The following CCDC144A variants were observed in gnomAD, a reference collection of about 807,000 sequenced individuals.
CCDC144A encodes the protein coiled-coil domain containing 144A.
In CCDC144A, 41 loss-of-function variants were observed where a neutral mutation model predicts 143.8. That is an observed-to-expected ratio of 0.29 (90% CI 0.22 to 0.37). The LOEUF (loss-of-function observed/expected upper bound fraction) is 0.37. Ranked by LOEUF, CCDC144A falls within the 10% of genes least tolerant of loss-of-function variation. The probability of loss-of-function intolerance (pLI) is 1.00; values close to 1 mark genes in which losing one functional copy is unlikely to be tolerated. For synonymous variants in CCDC144A, 242 were observed against 517.9 expected (o/e 0.47, Z 7.23); for missense variants, 637 against 1,488.8 (o/e 0.43, Z 9.41).
chr17:16,667,338 C>T, the CCDC144A span, among the ~76,000 whole-genome samples: 1 of 121,816 alleles, frequency 8.2e-6, no homozygotes, highest in East Asian at 2.7e-4. Flanking sequence ...GAGGCTGAGG[C>T]GGCTGAGGAG....
At chr17:16,746,087 G>T (rs1451699128) in intron 12 of CCDC144A, 3 of 1,604,700 alleles carry the variant, frequency 1.9e-6, no homozygotes, top group African/African-American at 1.3e-5. Flanking sequence ...AGCCTTCCAC[G>T]GGCCTGGCTT....
At chr17:16,717,336 T>C (rs1202814996) in intron 6 of CCDC144A, among the ~76,000 whole-genome samples, 1 of 151,806 alleles carries the variant, frequency 6.6e-6, no homozygotes, top group African/African-American at 2.4e-5. Flanking sequence ...GGTCTCGATC[T>C]ATTGACCTCA....
intron 12 of CCDC144A, among the ~76,000 whole-genome samples, chr17:16,758,383 G>C (rs527328983): frequency 2.4e-4 from 36 of 152,318 alleles, no homozygotes; most frequent in Middle Eastern, 3.4e-3. Flanking sequence ...TATCACAGAC[G>C]GTAGGGATGC....
Position 16,690,717 on chromosome 17 carries a change from G to T in CCDC144A, c.317G>T (p.Gly106Val), listed in dbSNP as rs1263466796. 1 of 1,611,550 alleles carries T rather than the reference G, an allele frequency of 6.2e-7. No homozygotes were observed. Among genetic ancestry groups the T allele is most frequent in the Non-Finnish European group, 8.5e-7 (1 of 1,178,020 alleles). ...CACATCTTAGCTCCTGGAGACACTG[G>T]CGTGGACAAGAGGGATAGGAAGAAG... ...VEHILAPGDT[G>V]VDKRDRKKSI... Residue 106 changes from glycine (G) to valine (V), a missense_variant, in exon 1 of 17, where the codon GGC becomes GTC. Physicochemically the swap from Gly to Val is moderately radical, Grantham distance 109. Transcript: ENST00000399273.
At chr17:16,679,467 T>G in the CCDC144A span, among the ~76,000 whole-genome samples, 1 of 152,092 alleles carries the variant, frequency 6.6e-6, no homozygotes, top group Non-Finnish European at 1.5e-5. Context: ...TTAGTAATTT[T>G]TTTTTTTTCC....
intron 12 of CCDC144A, among the ~76,000 whole-genome samples, chr17:16,756,857 C>T (rs1312472940): frequency 2.0e-5 from 3 of 152,110 alleles, no homozygotes; most frequent in Admixed American, 6.5e-5. Context: ...TTGGTGTGGC[C>T]TCCATATACT....
chr17:16,741,646 T>C (rs1478068926), intron 12 of CCDC144A, among the ~76,000 whole-genome samples: 3 of 152,184 alleles, frequency 2.0e-5, no homozygotes, highest in East Asian at 1.9e-4. Flanking sequence ...TGGTGTCTTA[T>C]TATGTTACCC....
chr17:16,689,445 C>T (rs1270256691), upstream of CCDC144A: 3 of 152,422 alleles, frequency 2.0e-5, no homozygotes, highest in African/African-American at 7.2e-5. Flanking sequence ...CTGCCCGCCT[C>T]AACCTCCCAA....
chr17:16,733,597 A>C (rs1913854066), intron 11 of CCDC144A, among the ~76,000 whole-genome samples: 1 of 150,858 alleles, frequency 6.6e-6, no homozygotes, highest in Admixed American at 6.6e-5. Context: ...AGGAAACTTA[A>C]GTTATTGTAA....
At chr17:16,692,383 C>T (rs1911140722) in intron 1 of CCDC144A, among the ~76,000 whole-genome samples, 1 of 146,212 alleles carries the variant, frequency 6.8e-6, no homozygotes, top group Admixed American at 7.0e-5. Flanking sequence ...AAACTATGAA[C>T]TAGCTGTGAT....
chr17:16,687,892 AT>A (rs953258940), upstream of CCDC144A, among the ~76,000 whole-genome samples: 13 of 149,202 alleles, frequency 8.7e-5, no homozygotes, highest in Non-Finnish European at 1.2e-4. Context: ...TAGCACACTA[AT>A]TTTTTTTTTA....
At chr17:16,690,107 T>G (rs1006454524), upstream of CCDC144A, 9 of 249,790 alleles carry the variant, frequency 3.6e-5, no homozygotes, top group Non-Finnish European at 6.7e-5. Context: ...AGGCTGGAGC[T>G]GCAGCGCCAC....
intron 2 of CCDC144A, among the ~76,000 whole-genome samples, chr17:16,700,297 T>G (rs1430538864): frequency 3.9e-5 from 6 of 152,204 alleles, no homozygotes; most frequent in Admixed American, 3.9e-4. Flanking sequence ...TGCAATGTTG[T>G]CTACCTTACC....
At chr17:16,682,883 G>GTTTTT in the CCDC144A span, among the ~76,000 whole-genome samples, 30 of 46,450 alleles carry the variant, frequency 6.5e-4, 10 homozygotes, top group Non-Finnish European at 1.1e-3. Context: ...TGGATTCTCT[G>GTTTTT]TTTTTTTTTT....
the CCDC144A span, among the ~76,000 whole-genome samples, chr17:16,670,756 A>C: frequency 6.6e-6 from 1 of 151,942 alleles, no homozygotes; most frequent in Non-Finnish European, 1.5e-5. Flanking sequence ...AGATCTGCCT[A>C]CCTTGGCCTC....
chr17:16,746,253 T>G (rs1008781360), intron 12 of CCDC144A: 106 of 1,325,556 alleles, frequency 8.0e-5, no homozygotes, highest in Non-Finnish European at 9.7e-5. Context: ...TTTCTTCTGT[T>G]TATCTGTCTC....
upstream of CCDC144A, among the ~76,000 whole-genome samples, chr17:16,685,261 A>G (rs1338041812): frequency 1.3e-5 from 2 of 152,174 alleles, no homozygotes; most frequent in African/African-American, 2.4e-5. Flanking sequence ...TCTTGACCTC[A>G]AACAATCCAC....
chr17:16,670,557 G>C, the CCDC144A span, among the ~76,000 whole-genome samples: 1 of 151,864 alleles, frequency 6.6e-6, no homozygotes, highest in East Asian at 1.9e-4. Flanking sequence ...ACCCAGGCTG[G>C]AGTGCATTGG....
chr17:16,673,645 C>T, the CCDC144A span, among the ~76,000 whole-genome samples: 1 of 152,070 alleles, frequency 6.6e-6, no homozygotes, highest in African/African-American at 2.4e-5. Flanking sequence ...CTCAGCCTCC[C>T]AAAGTACTAG....
Sources: gnomAD v4.1 joint callset for allele counts (sites outside exome capture counted in the v4.1 genomes callset) on GRCh38, gnomAD v4.1.1 for gene constraint, MANE v1.5 for transcripts, NCBI Gene and HGNC (gene_info 2026-07-23, HGNC 2026-07-21) for gene names.